Variants in ZMAT4 observed in about 807,000 individuals in gnomAD.
ZMAT4 encodes the protein zinc finger matrin-type protein 4.
In ZMAT4, 17 loss-of-function variants were observed where a neutral mutation model predicts 28.7. That is an observed-to-expected ratio of 0.59 (90% CI 0.41 to 0.89). The LOEUF (loss-of-function observed/expected upper bound fraction) is 0.89. Ranked by LOEUF, ZMAT4 falls within the 40% of genes least tolerant of loss-of-function variation. The pLI is 0.00. For synonymous variants in ZMAT4, 117 were observed against 109.2 expected (o/e 1.07, Z -0.44); for missense variants, 240 against 283.8 (o/e 0.85, Z 1.11).
chr8:40,871,620 G>A (rs950110065), intron 1 of ZMAT4, among the ~76,000 whole-genome samples: 2 of 152,198 alleles, frequency 1.3e-5, no homozygotes, highest in Admixed American at 1.3e-4. Flanking sequence ...ACCAGGACAT[G>A]GAGCAATGAA....
At chr8:40,769,687 T>C (rs1330699940) in intron 2 of ZMAT4, among the ~76,000 whole-genome samples, 1 of 152,160 alleles carries the variant, frequency 6.6e-6, no homozygotes, top group African/African-American at 2.4e-5. Flanking sequence ...GAACTTCTTT[T>C]CACATTCCCT....
chr8:40,543,465 C>T (rs1803106118), intron 6 of ZMAT4, among the ~76,000 whole-genome samples: 1 of 152,152 alleles, frequency 6.6e-6, no homozygotes, highest in Admixed American at 6.5e-5. Context: ...CAAAATCCAC[C>T]CTGATCCCCC....
intron 5 of ZMAT4, among the ~76,000 whole-genome samples, chr8:40,664,152 A>G (rs1808309020): frequency 6.6e-6 from 1 of 152,088 alleles, no homozygotes. Flanking sequence ...TAACAAATAG[A>G]ATGTGTGGAA....
At chr8:40,551,698 C>T (rs903198050) in intron 6 of ZMAT4, among the ~76,000 whole-genome samples, 7 of 152,128 alleles carry the variant, frequency 4.6e-5, no homozygotes, top group African/African-American at 1.7e-4. Flanking sequence ...TTTCATGAAA[C>T]AAGATGGGCT....
chr8:40,874,996 C>G (rs1043681880), intron 1 of ZMAT4, among the ~76,000 whole-genome samples: 2 of 152,306 alleles, frequency 1.3e-5, no homozygotes, highest in Non-Finnish European at 2.9e-5. Flanking sequence ...TGAAAGCCCC[C>G]CCAAAATGCA....
Position 40,801,351 on chromosome 8 carries a change from A to ATATATATATATATATATATATATATATAT in ZMAT4, c.102+24223_102+24224insATATATATATATATATATATATATATATA, listed in dbSNP as rs1554559738. Among the ~76,000 whole-genome samples, 16 of 97,242 alleles carry ATATATATATATATATATATATATATATAT rather than the reference A, an allele frequency of 1.6e-4. 1 individual carries two copies. The highest frequency in any genetic ancestry group is 5.9e-4 in the African/African-American group (16 of 26,966). The allele number at this position is 97,242 out of a possible 152,430, so 63.8% of individuals were successfully genotyped here. On this transcript the variant is annotated intron_variant, in intron 2 of 6. Transcript: ENST00000297737. ...AGATGATACTTTCTTTAAAAAAAAAAATATATATATATATATATATACATA... is the reference window on the plus strand; with the variant it reads ...AGATGATACTTTCTTTAAAAAAAAAATATATATATATATATATATATATATATATATATATATATATATATATATACATA...
At position 40,664,523 on chromosome 8, in the gene ZMAT4, C is replaced by A. The variant is rs549057069; in HGVS notation, c.577+10181G>T. On this transcript the variant is annotated intron_variant, in intron 5 of 6. Transcript: ENST00000297737. ...CTGTCCTGCCCTCTGCAATGCCTGG[C>A]AACCACTAACCTATTACCCAGAATG... 7.2e-5 allele frequency among the ~76,000 whole-genome samples: 11 copies of A among 152,296 alleles called. No homozygotes were observed. In the South Asian group the frequency reaches 2.3e-3, roughly 32 times the overall value.
chr8:40,829,737 A>G (rs1816208202), intron 1 of ZMAT4, among the ~76,000 whole-genome samples: 1 of 152,218 alleles, frequency 6.6e-6, no homozygotes, highest in East Asian at 1.9e-4. Context: ...GAGAAGACAG[A>G]AAGGATTATC....
chr8:40,576,592 T>C (rs186469645), intron 6 of ZMAT4, among the ~76,000 whole-genome samples: 1 of 147,138 alleles, frequency 6.8e-6, no homozygotes, highest in African/African-American at 2.5e-5. Context: ...TCTTCAGAAA[T>C]GAAGTTCCCA....
intron 6 of ZMAT4, among the ~76,000 whole-genome samples, chr8:40,540,711 GC>G (rs532469713): frequency 1.3e-5 from 2 of 152,308 alleles, no homozygotes; most frequent in South Asian, 4.2e-4. Flanking sequence ...TGAAGTGAGG[GC>G]GGTCTTGCTG....
At chr8:40,601,025 A>G (rs956391521) in intron 5 of ZMAT4, among the ~76,000 whole-genome samples, 5 of 152,106 alleles carry the variant, frequency 3.3e-5, no homozygotes, top group Admixed American at 2.6e-4. Context: ...CATCCCATCA[A>G]CTTGAAAATG....
intron 6 of ZMAT4, among the ~76,000 whole-genome samples, chr8:40,534,326 G>C (rs779960953): frequency 3.9e-5 from 6 of 152,124 alleles, no homozygotes; most frequent in Non-Finnish European, 8.8e-5. Context: ...TGATACAAAA[G>C]AACACGGAAA....
At chr8:40,640,006 A>C (rs1320863812) in intron 5 of ZMAT4, among the ~76,000 whole-genome samples, 2 of 152,080 alleles carry the variant, frequency 1.3e-5, no homozygotes, top group African/African-American at 2.4e-5. Context: ...TTTTTGAGAC[A>C]TAGGTCTCAC....
intron 6 of ZMAT4, among the ~76,000 whole-genome samples, chr8:40,558,395 C>T (rs745556915): frequency 9.9e-5 from 15 of 151,944 alleles, no homozygotes; most frequent in African/African-American, 4.8e-5. Flanking sequence ...GTGGGCAGCC[C>T]ATCAAAGAGA....
chr8:40,891,692 C>A (rs1168891475), intron 1 of ZMAT4, among the ~76,000 whole-genome samples: 1 of 152,126 alleles, frequency 6.6e-6, no homozygotes, highest in African/African-American at 2.4e-5. Context: ...TCTGGTAGAT[C>A]CCCTAGTGCC....
chr8:40,595,524 C>CT (rs1805061232), intron 5 of ZMAT4, among the ~76,000 whole-genome samples: 1 of 152,222 alleles, frequency 6.6e-6, no homozygotes, highest in African/African-American at 2.4e-5. Flanking sequence ...CACACTTAGG[C>CT]TATAAGGTAT....
At chr8:40,768,675 A>G (rs920685283) in intron 2 of ZMAT4, among the ~76,000 whole-genome samples, 1 of 151,222 alleles carries the variant, frequency 6.6e-6, no homozygotes, top group Non-Finnish European at 1.5e-5. Context: ...TACAAAATGA[A>G]TACCACAACA....
chr8:40,813,958 A>G (rs1815429951), intron 2 of ZMAT4, among the ~76,000 whole-genome samples: 2 of 152,222 alleles, frequency 1.3e-5, no homozygotes, highest in South Asian at 2.1e-4. Context: ...CCTTTCCTGC[A>G]ATTGGAATAG....
At chr8:40,786,221 G>A (rs1017784610) in intron 2 of ZMAT4, among the ~76,000 whole-genome samples, 2 of 152,118 alleles carry the variant, frequency 1.3e-5, no homozygotes, top group African/African-American at 4.8e-5. Context: ...CCAATTTCTG[G>A]TATTTCTAAT....
Sources: gnomAD v4.1 joint callset for allele counts (sites outside exome capture counted in the v4.1 genomes callset) on GRCh38, gnomAD v4.1.1 for gene constraint, MANE v1.5 for transcripts, NCBI Gene and HGNC (gene_info 2026-07-23, HGNC 2026-07-21) for gene names.